Variants in CELF1 observed in about 807,000 individuals in gnomAD.
The protein encoded by CELF1 is CUGBP Elav-like family member 1.
Under a neutral mutation model 61.8 loss-of-function variants are expected in CELF1, and 10 were observed. The ratio of observed to expected loss-of-function variants is 0.16; its 90% CI spans 0.10 to 0.27. The LOEUF is 0.27. Among genes scored for constraint, CELF1 ranks in the 10% least tolerant of loss-of-function variants. The pLI is 1.00. For synonymous variants in CELF1, 236 were observed against 225.1 expected, an observed-to-expected ratio of 1.05 and a Z score of -0.43; for missense variants, 380 against 639.1, an observed-to-expected ratio of 0.59 and a Z score of 4.37.
chr11:47,505,560 G>A lies in CELF1; in HGVS notation c.-153-4628C>T, dbSNP rs1435823159. On this transcript the variant is annotated intron_variant, in intron 1 of 14. Transcript: ENST00000687097. ...CAGGAGACTGAGGCAGGAGAATGGCGTGAACCTGGGAGGCAGAGCTTGCAG... is the reference window on the plus strand; with the variant it reads ...CAGGAGACTGAGGCAGGAGAATGGCATGAACCTGGGAGGCAGAGCTTGCAG... Among the ~76,000 whole-genome samples the A allele has an allele frequency of 3.3e-5, 5 of 149,644 alleles. 1 individual carries two copies. Among genetic ancestry groups the A allele is most frequent in the African/African-American group, 9.8e-5 (4 of 40,926 alleles).
intron 8 of CELF1, among the ~76,000 whole-genome samples, 177 bp from the exon 9 acceptor site, chr11:47,483,033 G>C (rs2084317199): frequency 6.6e-6 from 1 of 152,062 alleles, no homozygotes; most frequent in Non-Finnish European, 1.5e-5. Flanking sequence ...AGGCTGAGGC[G>C]GGTGGATCAC....
chr11:47,513,411 T>TC (rs2095349828), intron 1 of CELF1, among the ~76,000 whole-genome samples: 3 of 151,402 alleles, frequency 2.0e-5, no homozygotes, highest in South Asian at 2.1e-4. Context: ...TTTGGGGGTT[T>TC]TCCCCCCTGA....
At chr11:47,472,993 C>G (rs2078347222) in intron 14 of CELF1, 95 bp downstream of exon 14, 4 of 1,416,834 alleles carry the variant, frequency 2.8e-6, no homozygotes, top group Non-Finnish European at 3.8e-6. Flanking sequence ...AAAACAACAC[C>G]ACAAACTCAT....
At chr11:47,534,322 G>A (rs956711596) in intron 1 of CELF1, among the ~76,000 whole-genome samples, 3 of 151,058 alleles carry the variant, frequency 2.0e-5, no homozygotes, top group African/African-American at 4.9e-5. Context: ...GAGCCACGGC[G>A]CCTGGCCATA....
chr11:47,562,098 T>C (rs2097227476), intron 2 of CELF1, among the ~76,000 whole-genome samples: 1 of 151,494 alleles, frequency 6.6e-6, no homozygotes, highest in Non-Finnish European at 1.5e-5. Flanking sequence ...TGGTGGTGCA[T>C]ACCTGTAATC....
chr11:47,560,998 C>A (rs372461295), intron 2 of CELF1, among the ~76,000 whole-genome samples: 29 of 149,910 alleles, frequency 1.9e-4, no homozygotes, highest in African/African-American at 7.1e-4. Flanking sequence ...ATTAGCCGGG[C>A]GTGGTGGTGG....
At chr11:47,496,024 T>C (rs2093024772) in intron 3 of CELF1, 1 of 984,920 alleles carries the variant, frequency 1.0e-6, no homozygotes, top group South Asian at 4.7e-5. Context: ...ACAAGGTCCC[T>C]CTGGCTCACA....
upstream of CELF1, among the ~76,000 whole-genome samples, chr11:47,554,663 G>GTTTT (rs35866451): frequency 7.0e-6 from 1 of 142,304 alleles, no homozygotes; most frequent in Non-Finnish European, 1.5e-5. Context: ...ATCTAACACA[G>GTTTT]TTTTTTTTTT....
intron 1 of CELF1, among the ~76,000 whole-genome samples, chr11:47,526,658 AAAAAAC>A (rs2096253801): frequency 6.6e-6 from 1 of 152,222 alleles, no homozygotes; most frequent in Admixed American, 6.5e-5. Context: ...CACTATTAAG[AAAAAAC>A]AAAAACAAAA....
intron 1 of CELF1, among the ~76,000 whole-genome samples, chr11:47,550,261 T>C (rs1252655207): frequency 1.3e-5 from 2 of 151,832 alleles, no homozygotes; most frequent in African/African-American, 2.4e-5. Context: ...CCGGGTACGG[T>C]GGCTTACACC....
intron 6 of CELF1, among the ~76,000 whole-genome samples, 175 bp downstream of exon 6, chr11:47,486,575 A>T (rs1201453576): frequency 6.6e-6 from 1 of 152,012 alleles, no homozygotes; most frequent in East Asian, 1.9e-4. Flanking sequence ...ATACCCAGCT[A>T]ATGTTTGTAT....
At chr11:47,475,006 A>G (rs772945042) in intron 13 of CELF1, among the ~76,000 whole-genome samples, 2 of 152,230 alleles carry the variant, frequency 1.3e-5, no homozygotes, top group Non-Finnish European at 2.9e-5. Context: ...AGATCCTCTG[A>G]TAGATTTGTA....
chr11:47,499,285 T>C (rs535280852), intron 3 of CELF1, among the ~76,000 whole-genome samples, 168 bp downstream of exon 3: 1 of 152,182 alleles, frequency 6.6e-6, no homozygotes, highest in Non-Finnish European at 1.5e-5. Flanking sequence ...TAAGCAGTAA[T>C]GAGACAGACT....
At chr11:47,509,945 C>G (rs982590324) in intron 1 of CELF1, among the ~76,000 whole-genome samples, 1 of 150,960 alleles carries the variant, frequency 6.6e-6, no homozygotes, top group African/African-American at 2.4e-5. Context: ...ACCTGTAATC[C>G]CAGCTACTTG....
At chr11:47,493,496 A>G (rs186455052) in intron 3 of CELF1, among the ~76,000 whole-genome samples, 62 of 146,042 alleles carry the variant, frequency 4.2e-4, no homozygotes, top group Admixed American at 1.1e-3. Context: ...CGACAGAGCA[A>G]GACTCCATCT....
chr11:47,544,359 CA>C (rs1449472078), intron 1 of CELF1, among the ~76,000 whole-genome samples: 1 of 152,188 alleles, frequency 6.6e-6, no homozygotes, highest in African/African-American at 2.4e-5. Context: ...CAGTGCCTAG[CA>C]TAAGTTACCT....
At chr11:47,548,216 T>C (rs565647780) in intron 1 of CELF1, among the ~76,000 whole-genome samples, 4 of 152,114 alleles carry the variant, frequency 2.6e-5, no homozygotes, top group Admixed American at 6.6e-5. Context: ...GGAGAATCGC[T>C]TGAACCAGGG....
At position 47,478,961 on chromosome 11, in the gene CELF1, T is replaced by C; in HGVS notation, c.769-9A>G. 3 of 1,608,374 alleles carry C rather than the reference T, an allele frequency of 1.9e-6. No individual in the cohort carries two copies. The highest frequency in any genetic ancestry group is 1.1e-5 in the South Asian group (1 of 90,010). ...AGGAGCTGCAAATAAAGCTAGACAT[T>C]ACACCAAAAAACAGAACAAGAGTGA... is the stretch of plus-strand genomic sequence containing the variant. On this transcript the variant is annotated splice_polypyrimidine_tract_variant and intron_variant, in intron 9 of 14. Coordinates refer to ENST00000687097, the MANE Select transcript of CELF1 (RefSeq NM_001376376.1).
At chr11:47,502,825 C>CT (rs1414696003) in intron 1 of CELF1, among the ~76,000 whole-genome samples, 1 of 151,978 alleles carries the variant, frequency 6.6e-6, no homozygotes, top group African/African-American at 2.4e-5. Context: ...GAGTGAGACT[C>CT]TGTCTCAAAA....
Sources: allele counts gnomAD v4.1 joint callset (sites outside exome capture counted in the v4.1 genomes callset), GRCh38; gene constraint gnomAD v4.1.1; transcripts MANE v1.5; gene names NCBI Gene and HGNC (gene_info 2026-07-23, HGNC 2026-07-21).